The following SETDB2 variants were observed in gnomAD, a reference collection of about 807,000 sequenced individuals.
SETDB2 encodes the protein histone-lysine N-methyltransferase SETDB2.
In SETDB2, 56 loss-of-function variants were observed where a neutral mutation model predicts 82.5. The ratio of observed to expected loss-of-function variants is 0.68; its 90% CI spans 0.55 to 0.85. The LOEUF (loss-of-function observed/expected upper bound fraction) is 0.85. Among genes scored for constraint, SETDB2 ranks in the 40% least tolerant of loss-of-function variants. SETDB2 has a pLI of 0.00. For missense variants in SETDB2, 677 were observed against 816.4 expected, an observed-to-expected ratio of 0.83 and a Z score of 2.08; for synonymous variants, 272 against 284.9, an observed-to-expected ratio of 0.95 and a Z score of 0.46.
intron 10 of SETDB2, among the ~76,000 whole-genome samples, chr13:49,483,779 C>T (rs1958533566): frequency 6.6e-6 from 1 of 151,850 alleles, no homozygotes; most frequent in Admixed American, 6.6e-5. Context: ...AGGTGCACAC[C>T]ACCATGCCCA....
chr13:49,469,543 G>A (rs948399591), intron 5 of SETDB2, among the ~76,000 whole-genome samples: 2 of 152,134 alleles, frequency 1.3e-5, no homozygotes, highest in African/African-American at 4.8e-5. Context: ...CACCCTTGAT[G>A]CCTTCTTCTA....
chr13:49,464,541 A>T (rs985789304), intron 4 of SETDB2, among the ~76,000 whole-genome samples: 5 of 152,156 alleles, frequency 3.3e-5, no homozygotes, highest in African/African-American at 4.8e-5. Context: ...CGTAAAAAGT[A>T]AGTTGGTTTT....
chr13:49,484,800 T>G (rs564843676), intron 10 of SETDB2, among the ~76,000 whole-genome samples: 2 of 152,310 alleles, frequency 1.3e-5, no homozygotes, highest in South Asian at 4.1e-4. Context: ...TTAGGTGTTA[T>G]GCAAATATTT....
rs1186785340 is a variant in SETDB2, at chr13:49,493,433, T to G, written c.*1584T>G. On this transcript the variant is annotated 3_prime_UTR_variant, in exon 14 of 14. Transcript: ENST00000611815. Reference sequence around the variant, plus strand: ...GTCAGTTTTATCTTCTTGGAGAAATTTCTCCTAAAATCTTGATTTGCTTTA... The same window carrying G: ...GTCAGTTTTATCTTCTTGGAGAAATGTCTCCTAAAATCTTGATTTGCTTTA... 2.0e-5 allele frequency: 3 copies of G among 152,194 alleles called. No individual in the cohort carries two copies. Among genetic ancestry groups the G allele is most frequent in the South Asian group, 4.1e-4 (2 of 4,832 alleles). 9.4% of individuals were successfully genotyped at this position (152,194 alleles called of 1,614,324 possible).
rs950101169 is a variant in SETDB2, at chr13:49,468,163, T to G, written c.305+203T>G. ...TTGAATATTCCTAGTTAATCAAGTC[T>G]TTTTATAAAGTTTAGCTTAAGATGT... On this transcript the variant is annotated intron_variant, in intron 5 of 13. Transcript: ENST00000611815. 7.5e-4 allele frequency among the ~76,000 whole-genome samples: 115 copies of G among 152,328 alleles called. 3 individuals are homozygous for G. Among genetic ancestry groups the G allele is most frequent in the Non-Finnish European group, 1.9e-4 (13 of 68,018 alleles).
At chr13:49,456,658 C>T (rs568355380) in intron 2 of SETDB2, among the ~76,000 whole-genome samples, 14 of 152,052 alleles carry the variant, frequency 9.2e-5, no homozygotes, top group African/African-American at 2.9e-4. Flanking sequence ...CATACAATGC[C>T]GAAAGAAGTG....
intron 1 of SETDB2, chr13:49,446,394 A>G (rs1346735655): frequency 1.5e-5 from 7 of 456,184 alleles, no homozygotes; most frequent in East Asian, 6.9e-5. Context: ...AAAGTTTTGT[A>G]CAAGGAATGT....
chr13:49,489,596 C>CTTTTTTTTT (rs58715452), intron 12 of SETDB2, among the ~76,000 whole-genome samples: 2 of 100,570 alleles, frequency 2.0e-5, no homozygotes, highest in Non-Finnish European at 1.8e-5. Context: ...CATATTTATT[C>CTTTTTTTTT]TTTTTTTTTT....
At chr13:49,466,096 A>G (rs1438336181) in intron 4 of SETDB2, among the ~76,000 whole-genome samples, 1 of 152,176 alleles carries the variant, frequency 6.6e-6, no homozygotes, top group African/African-American at 2.4e-5. Flanking sequence ...AACAGTCACA[A>G]GGGTCTCTTT....
intron 4 of SETDB2, among the ~76,000 whole-genome samples, chr13:49,462,899 G>A (rs1254662573): frequency 5.9e-5 from 9 of 152,234 alleles, no homozygotes; most frequent in African/African-American, 1.2e-4. Flanking sequence ...AGTAACACTC[G>A]GAATTGTAGG....
intron 11 of SETDB2, among the ~76,000 whole-genome samples, chr13:49,486,312 A>AAT (rs1216733362): frequency 4.0e-5 from 6 of 151,216 alleles, no homozygotes; most frequent in South Asian, 2.1e-4. Flanking sequence ...TCAAAAAAAA[A>AAT]AATAAAATGT....
chr13:49,480,658 A>G lies in SETDB2; in HGVS notation c.987-289A>G, dbSNP rs74734387. ...CTCATTTGAGAATTGGGAATTTTCA[A>G]CCTTTCAAGGTACTGACTCACTTAA... On this transcript the variant is annotated intron_variant, in intron 7 of 13. Coordinates refer to ENST00000611815, the MANE Select transcript of SETDB2 (RefSeq NM_001160308.3). Among the ~76,000 whole-genome samples, 931 of 152,244 alleles carry G rather than the reference A, an allele frequency of 6.1e-3. 6 individuals are homozygous for G. Among genetic ancestry groups the G allele is most frequent in the African/African-American group, 0.02 (831 of 41,526 alleles).
At chr13:49,452,252 C>T (rs1333401985) in intron 2 of SETDB2, among the ~76,000 whole-genome samples, 1 of 152,038 alleles carries the variant, frequency 6.6e-6, no homozygotes, top group Non-Finnish European at 1.5e-5. Flanking sequence ...GCTGGGATTA[C>T]AGGCATGTGC....
intron 5 of SETDB2, among the ~76,000 whole-genome samples, chr13:49,468,471 T>C (rs189650620): frequency 6.6e-6 from 1 of 151,990 alleles, no homozygotes; most frequent in South Asian, 2.1e-4. Flanking sequence ...ATCTAGATAC[T>C]CTGACACGTA....
At chr13:49,446,082 G>A (rs970042054) in intron 1 of SETDB2, 11 of 264,388 alleles carry the variant, frequency 4.2e-5, no homozygotes, top group African/African-American at 2.6e-4. Context: ...AACTATTACT[G>A]AGTGTGCTTA....
intron 2 of SETDB2, among the ~76,000 whole-genome samples, chr13:49,456,304 T>C (rs1347855258): frequency 6.6e-6 from 1 of 152,122 alleles, no homozygotes; most frequent in Non-Finnish European, 1.5e-5. Flanking sequence ...TTCAGATCAG[T>C]ATTATTCATG....
intron 11 of SETDB2, 167 bp from the exon 12 acceptor site, chr13:49,488,115 GAATTCCTT>G (rs1478747810): frequency 1.7e-6 from 1 of 572,766 alleles, no homozygotes; most frequent in Non-Finnish European, 2.2e-6. Context: ...TGGGTCAGAT[GAATTCCTT>G]AATCCCTCAG....
chr13:49,492,069 A>G lies in SETDB2; in HGVS notation c.*220A>G. 2.0e-6 allele frequency: 1 copy of G among 505,432 alleles called. No homozygotes were observed. The highest frequency in any genetic ancestry group is 3.6e-6 in the Non-Finnish European group (1 of 277,254). 31.3% of individuals were successfully genotyped at this position (505,432 alleles called of 1,614,324 possible). ...ATCTTGTTCACTGCTGTGCTACTTT[A>G]CATGAGTAGGATGGAAGTGTATATT... On this transcript the variant is annotated 3_prime_UTR_variant, in exon 14 of 14. Coordinates refer to ENST00000611815, the MANE Select transcript of SETDB2 (RefSeq NM_001160308.3).
chr13:49,446,559 C>G (rs765747869), intron 1 of SETDB2: 4 of 325,604 alleles, frequency 1.2e-5, no homozygotes, highest in Non-Finnish European at 2.4e-5. Context: ...TATACTACAT[C>G]ATTCTGTAGC....
Sources: allele counts gnomAD v4.1 joint callset (sites outside exome capture counted in the v4.1 genomes callset), GRCh38; gene constraint gnomAD v4.1.1; transcripts MANE v1.5; gene names NCBI Gene and HGNC (gene_info 2026-07-23, HGNC 2026-07-21).